ADAMTS18: variants seen among roughly 807,000 people sequenced by gnomAD.
The protein encoded by ADAMTS18 is A disintegrin and metalloproteinase with thrombospondin motifs 18.
Under a neutral mutation model 165.9 loss-of-function variants are expected in ADAMTS18, and 157 were observed. That is an observed-to-expected ratio of 0.95 (90% confidence interval 0.83 to 1.08). The LOEUF (loss-of-function observed/expected upper bound fraction) is 1.08, where lower values mean the gene tolerates loss of function less well. ADAMTS18 is among the 50% of genes least tolerant of loss of function. ADAMTS18 has a pLI of 0.00. For synonymous variants in ADAMTS18, 782 were observed against 578.2 expected (o/e 1.35, Z -5.06); for missense variants, 2,040 against 1,534.0 (o/e 1.33, Z -5.51).
rs1035235647 is a variant in ADAMTS18, at chr16:77,341,741, A to G, written c.1673T>C (p.Met558Thr). The change falls in exon 11 of 23, where the codon ATG becomes ACG. Residue 558 changes from methionine (M) to threonine (T), a missense_variant. Transcript: ENST00000282849. Reference sequence around the variant, plus strand: ...ACAAACGGTCCCTTCTGCTGCGGGCATAAACTTGGTCTCACACCTGTGGCC... The same window carrying G: ...ACAAACGGTCCCTTCTGCTGCGGGCGTAAACTTGGTCTCACACCTGTGGCC... ...RVGHRCETKFMPAAEGTVCGL... is the reference protein window; with the variant it reads ...RVGHRCETKFTPAAEGTVCGL... The G allele has an allele frequency of 1.2e-6, 2 of 1,613,756 alleles. No individual in the cohort carries two copies. Among genetic ancestry groups the G allele is most frequent in the Admixed American group, 1.7e-5 (1 of 59,992 alleles).
chr16:77,303,947 G>A (rs78495137), intron 16 of ADAMTS18, among the ~76,000 whole-genome samples: 1 of 151,912 alleles, frequency 6.6e-6, no homozygotes, highest in African/African-American at 2.4e-5. Context: ...GGAGAAGGGC[G>A]TGAACTCAGG....
chr16:77,376,351 C>T (rs1254934564), intron 3 of ADAMTS18, among the ~76,000 whole-genome samples: 1 of 152,178 alleles, frequency 6.6e-6, no homozygotes, highest in Non-Finnish European at 1.5e-5. Context: ...CACCTCCCAC[C>T]CTTCCTCCAA....
intron 3 of ADAMTS18, among the ~76,000 whole-genome samples, chr16:77,430,573 A>G (rs985324746): frequency 2.6e-5 from 4 of 152,198 alleles, no homozygotes; most frequent in African/African-American, 7.2e-5. Context: ...CTTCTCAATC[A>G]CAACACAGAA....
At chr16:77,297,660 T>G (rs1169336865) in intron 17 of ADAMTS18, among the ~76,000 whole-genome samples, 1 of 152,096 alleles carries the variant, frequency 6.6e-6, no homozygotes, top group East Asian at 1.9e-4. Flanking sequence ...AAGACTGATG[T>G]GGATACTAGA....
chr16:77,409,372 C>T (rs564428546), intron 3 of ADAMTS18, among the ~76,000 whole-genome samples: 2 of 152,048 alleles, frequency 1.3e-5, no homozygotes, highest in Non-Finnish European at 2.9e-5. Flanking sequence ...AAACAGACAC[C>T]GAAGAAAATA....
At chr16:77,424,005 C>T (rs1310901464) in intron 3 of ADAMTS18, among the ~76,000 whole-genome samples, 2 of 152,192 alleles carry the variant, frequency 1.3e-5, no homozygotes, top group Admixed American at 6.5e-5. Flanking sequence ...ATGGAGCTTC[C>T]ACCAAACACC....
At chr16:77,296,207 A>G (rs1275726312) in intron 18 of ADAMTS18, among the ~76,000 whole-genome samples, 1 of 152,196 alleles carries the variant, frequency 6.6e-6, no homozygotes, top group Non-Finnish European at 1.5e-5. Context: ...CACATGAAAG[A>G]GACTCCCTTT....
At chr16:77,291,242 C>G in intron 21 of ADAMTS18, 24 bp downstream of exon 21, 1 of 1,612,348 alleles carries the variant, frequency 6.2e-7, no homozygotes, top group Non-Finnish European at 8.5e-7. Flanking sequence ...TGAATAGACA[C>G]CTCCTCAATC....
At chr16:77,368,234 C>T (rs2056827104) in intron 3 of ADAMTS18, among the ~76,000 whole-genome samples, 1 of 152,100 alleles carries the variant, frequency 6.6e-6, no homozygotes, top group Non-Finnish European at 1.5e-5. Flanking sequence ...CATGGGCACC[C>T]AGAGTTCTCT....
intron 7 of ADAMTS18, 74 bp downstream of exon 7, chr16:77,362,031 C>T (rs1418072225): frequency 3.3e-6 from 5 of 1,502,116 alleles, no homozygotes; most frequent in Non-Finnish European, 4.6e-6. Flanking sequence ...TAAGGGCTAT[C>T]CATCATCCAT....
At position 77,431,505 on chromosome 16, in the gene ADAMTS18, GCTT is replaced by G; in HGVS notation, c.282_284del (p.Arg94del). The G allele has an allele frequency of 6.2e-7, 1 of 1,614,210 alleles. No individual in the cohort carries two copies. Among genetic ancestry groups the G allele is most frequent in the Non-Finnish European group, 8.5e-7 (1 of 1,180,028 alleles). ...ATGCTGAAAATCGGTAGTGCAGGGA[GCTT>G]CTGGCATTCTGCGCCGATCGCTTTT... On this transcript the variant is annotated inframe_deletion, in exon 3 of 23. Coordinates refer to ENST00000282849, the MANE Select transcript of ADAMTS18 (RefSeq NM_199355.4).
At chr16:77,382,576 G>C (rs1320314769) in intron 3 of ADAMTS18, among the ~76,000 whole-genome samples, 2 of 152,158 alleles carry the variant, frequency 1.3e-5, no homozygotes, top group Admixed American at 1.3e-4. Context: ...TGGTCATGAA[G>C]ACTTTCTCAA....
intron 3 of ADAMTS18, among the ~76,000 whole-genome samples, chr16:77,369,114 C>T (rs1242151034): frequency 6.6e-6 from 1 of 152,226 alleles, no homozygotes; most frequent in African/African-American, 2.4e-5. Context: ...GTGGGCCTCA[C>T]CCCAAACCTG....
At position 77,283,643 on chromosome 16, in the gene ADAMTS18, G is replaced by A. The variant is rs543453082; in HGVS notation, c.*313C>T. ...TTGAACCCTTTGAAGTTCAAAAGGG[G>A]GTCTCTCCCCAAATCGACGTATCTC... On this transcript the variant is annotated 3_prime_UTR_variant, in exon 23 of 23. Transcript: ENST00000282849. 2.7e-5 allele frequency: 9 copies of A among 327,674 alleles called. No homozygotes were observed. Among genetic ancestry groups the A allele is most frequent in the African/African-American group, 6.4e-5 (3 of 46,586 alleles). 20.3% of individuals were successfully genotyped at this position (327,674 alleles called of 1,614,324 possible).
intron 11 of ADAMTS18, among the ~76,000 whole-genome samples, chr16:77,339,901 A>C (rs971531375): frequency 6.6e-6 from 1 of 152,202 alleles, no homozygotes; most frequent in African/African-American, 2.4e-5. Flanking sequence ...TGTCCTAACA[A>C]ATATCAGAAA....
chr16:77,397,143 A>G (rs1464983181), intron 3 of ADAMTS18, among the ~76,000 whole-genome samples: 1 of 152,150 alleles, frequency 6.6e-6, no homozygotes, highest in Non-Finnish European at 1.5e-5. Flanking sequence ...ACTGTCCCAA[A>G]TCTAACACAA....
intron 3 of ADAMTS18, among the ~76,000 whole-genome samples, chr16:77,393,330 A>G (rs1472594490): frequency 1.3e-5 from 2 of 152,198 alleles, no homozygotes; most frequent in Admixed American, 6.5e-5. Context: ...GCATTCATCC[A>G]ATAGGGAAGC....
chr16:77,298,406 C>A (rs1460212040), intron 17 of ADAMTS18, among the ~76,000 whole-genome samples: 2 of 152,238 alleles, frequency 1.3e-5, no homozygotes, highest in Non-Finnish European at 2.9e-5. Context: ...CAAATATAAT[C>A]TGAGAAAGAA....
At chr16:77,344,064 A>G (rs893440058) in intron 10 of ADAMTS18, among the ~76,000 whole-genome samples, 4 of 151,122 alleles carry the variant, frequency 2.6e-5, no homozygotes, top group Admixed American at 1.3e-4. Flanking sequence ...CACTCAAAAA[A>G]AAAAGCTTTC....
Sources: allele counts gnomAD v4.1 joint callset (sites outside exome capture counted in the v4.1 genomes callset), GRCh38; gene constraint gnomAD v4.1.1; transcripts MANE v1.5; gene names NCBI Gene and HGNC (gene_info 2026-07-23, HGNC 2026-07-21).